The following ARHGAP42 variants were observed in gnomAD, a reference collection of about 807,000 sequenced individuals.
The protein encoded by ARHGAP42 is rho GTPase-activating protein 42.
ARHGAP42 carries 63 observed loss-of-function variants against 125.0 expected under a neutral mutation model. The observed-to-expected ratio is 0.50, with a 90% CI of 0.41 to 0.62. The LOEUF is 0.62. Among genes scored for constraint, ARHGAP42 ranks in the 20% least tolerant of loss-of-function variants. The probability of loss-of-function intolerance (pLI) is 0.00; values close to 1 mark genes in which losing one functional copy is unlikely to be tolerated. For missense variants in ARHGAP42, 766 were observed against 1,024.2 expected (o/e 0.75, Z 3.44); for synonymous variants, 339 against 351.0 (o/e 0.97, Z 0.38).
intron 3 of ARHGAP42, among the ~76,000 whole-genome samples, chr11:100,827,826 A>G (rs1395825685): frequency 3.3e-5 from 5 of 152,232 alleles, no homozygotes; most frequent in Admixed American, 1.3e-4. Flanking sequence ...TTCCTTCACT[A>G]TGCCCCACAG....
intron 8 of ARHGAP42, among the ~76,000 whole-genome samples, chr11:100,938,710 G>T (rs957352778): frequency 1.8e-4 from 27 of 151,966 alleles, no homozygotes; most frequent in African/African-American, 5.8e-4. Flanking sequence ...TTTGCCAAGG[G>T]ATATAAAGAA....
chr11:100,915,842 T>G (rs148687943), intron 5 of ARHGAP42, among the ~76,000 whole-genome samples: 18 of 152,276 alleles, frequency 1.2e-4, no homozygotes, highest in African/African-American at 4.3e-4. Flanking sequence ...CAAGGCAAAA[T>G]GTAGCTTGGG....
chr11:100,836,000 T>G (rs1430704544), intron 3 of ARHGAP42, among the ~76,000 whole-genome samples: 2 of 151,988 alleles, frequency 1.3e-5, no homozygotes, highest in Admixed American at 1.3e-4. Context: ...TCTCTTGAGA[T>G]TTTTGGGTCA....
chr11:100,980,106 G>T, intron 22 of ARHGAP42, among the ~76,000 whole-genome samples: 1 of 152,086 alleles, frequency 6.6e-6, no homozygotes, highest in Non-Finnish European at 1.5e-5. Context: ...TTTTTTAACT[G>T]CAGAGAGTAG....
chr11:100,835,750 T>C (rs1591222635), intron 3 of ARHGAP42, among the ~76,000 whole-genome samples: 2 of 151,978 alleles, frequency 1.3e-5, no homozygotes, highest in East Asian at 3.9e-4. Context: ...TTATAAGTAA[T>C]ATGGTATATA....
chr11:100,770,250 C>T, intron 1 of ARHGAP42, 93 bp from the exon 2 acceptor site: 1 of 866,794 alleles, frequency 1.2e-6, no homozygotes, highest in Non-Finnish European at 1.8e-6. Context: ...TCATATAATA[C>T]AAAATCAAAG....
chr11:100,837,666 C>CTATTATTTATTTTTTTTTTTTTTTTTT (rs1555008871), intron 3 of ARHGAP42, among the ~76,000 whole-genome samples: 2 of 61,042 alleles, frequency 3.3e-5, no homozygotes, highest in Admixed American at 1.9e-4. Context: ...AGGTGTCATC[C>CTATTATTTATTTTTTTTTTTTTTTTTT]TTTTTTTTTT....
At chr11:100,845,748 C>G (rs1254226177) in intron 3 of ARHGAP42, among the ~76,000 whole-genome samples, 1 of 152,096 alleles carries the variant, frequency 6.6e-6, no homozygotes, top group African/African-American at 2.4e-5. Flanking sequence ...CCTTTTTGCC[C>G]AGTTGTCCTC....
At chr11:100,878,736 T>G (rs1347717344) in intron 4 of ARHGAP42, among the ~76,000 whole-genome samples, 1 of 152,052 alleles carries the variant, frequency 6.6e-6, no homozygotes. Context: ...CCCCGCCAAA[T>G]TATATTATGT....
chr11:100,750,486 T>A (rs1486727150), intron 1 of ARHGAP42, among the ~76,000 whole-genome samples: 1 of 124,362 alleles, frequency 8.0e-6, no homozygotes. Flanking sequence ...GAGCAGATAG[T>A]CAGAATGAGT....
rs551742850 is a variant in ARHGAP42 at position 100,857,675 on chromosome 11, C to A, written c.313-1879C>A. ...TACCTCATTTGCCCCAATTCTGATA[C>A]GTTACTAAAGTTCCAGTGGCTGAGG... On this transcript the variant is annotated intron_variant, in intron 3 of 23. Transcript: ENST00000298815. Among the ~76,000 whole-genome samples the A allele has an allele frequency of 2.6e-5, 4 of 152,208 alleles. No homozygotes were observed. The South Asian group carries it at 8.3e-4, about 32-fold the overall frequency.
chr11:100,877,428 G>C (rs990151987), intron 4 of ARHGAP42, among the ~76,000 whole-genome samples: 2 of 152,148 alleles, frequency 1.3e-5, no homozygotes, highest in Admixed American at 6.6e-5. Flanking sequence ...GCTCATGTAA[G>C]TTTACTCTGT....
chr11:100,778,037 G>A (rs1863172233), intron 2 of ARHGAP42, among the ~76,000 whole-genome samples: 1 of 152,140 alleles, frequency 6.6e-6, no homozygotes, highest in African/African-American at 2.4e-5. Flanking sequence ...AGCCAGGCAT[G>A]GTGGCATGCA....
rs76079852 is a variant in ARHGAP42, at chr11:100,767,052, A to G, written c.155-3291A>G. Among the ~76,000 whole-genome samples, 141 of 152,316 alleles carry G rather than the reference A, an allele frequency of 9.3e-4. 1 individual carries two copies. In the East Asian group the frequency reaches 0.019, roughly 20 times the overall value. ...CTTGATGGCTTTGCAGTGTAGCAAG[A>G]AAAGTTGAAACTGCTATCAACAGAT... On this transcript the variant is annotated intron_variant, in intron 1 of 23. Transcript: ENST00000298815.
intron 6 of ARHGAP42, among the ~76,000 whole-genome samples, chr11:100,927,611 C>CT (rs11420422): frequency 0.31 from 46,620 of 152,042 alleles, 8,065 homozygotes; most frequent in East Asian, 0.75. Flanking sequence ...TTCTGCTGGG[C>CT]TTTATCAGCT....
intron 1 of ARHGAP42, among the ~76,000 whole-genome samples, chr11:100,688,877 CA>C (rs1277781728): frequency 1.3e-5 from 2 of 152,110 alleles, no homozygotes; most frequent in African/African-American, 4.8e-5. Context: ...GAGGTACTTT[CA>C]AAAGGTAGAG....
At chr11:100,814,246 A>G (rs1416797577) in intron 3 of ARHGAP42, among the ~76,000 whole-genome samples, 1 of 151,616 alleles carries the variant, frequency 6.6e-6, no homozygotes, top group Non-Finnish European at 1.5e-5. Flanking sequence ...AGTCCCAGCT[A>G]CTTGGGAGGC....
chr11:100,704,046 G>A (rs1861439525), intron 1 of ARHGAP42, among the ~76,000 whole-genome samples: 1 of 152,170 alleles, frequency 6.6e-6, no homozygotes, highest in Non-Finnish European at 1.5e-5. Flanking sequence ...TGCTGGAGGG[G>A]CTGAGTGTGT....
At chr11:100,878,279 C>T (rs1591261951) in intron 4 of ARHGAP42, among the ~76,000 whole-genome samples, 1 of 151,916 alleles carries the variant, frequency 6.6e-6, no homozygotes, top group African/African-American at 2.4e-5. Context: ...CAGGTGTGAG[C>T]CACCATGCCC....
Sources: allele counts gnomAD v4.1 joint callset (sites outside exome capture counted in the v4.1 genomes callset), GRCh38; gene constraint gnomAD v4.1.1; transcripts MANE v1.5; gene names NCBI Gene and HGNC (gene_info 2026-07-23, HGNC 2026-07-21).